The following EPB41 variants were observed in gnomAD, a reference collection of about 807,000 sequenced individuals.
EPB41 encodes the protein erythrocyte membrane protein band 4.1.
Under a neutral mutation model 108.0 loss-of-function variants are expected in EPB41, and 65 were observed. The ratio of observed to expected loss-of-function variants is 0.60; its 90% CI spans 0.49 to 0.74. EPB41 has a LOEUF of 0.74. Among genes scored for constraint, EPB41 ranks in the 30% least tolerant of loss-of-function variants. The probability of loss-of-function intolerance (pLI) is 0.00; values close to 1 mark genes in which losing one functional copy is unlikely to be tolerated. For synonymous variants in EPB41, 336 were observed against 358.9 expected (o/e 0.94, Z 0.72); for missense variants, 875 against 1,037.0 (o/e 0.84, Z 2.15).
intron 11 of EPB41, among the ~76,000 whole-genome samples, chr1:29,042,669 G>A (rs1054344157): frequency 1.3e-5 from 2 of 151,920 alleles, no homozygotes; most frequent in Admixed American, 6.6e-5. Context: ...AGTGGAGATG[G>A]GGTTTCACCA....
rs976648304 is a variant in EPB41 at position 29,006,268 on chromosome 1, G to A, written c.787-5597G>A. On this transcript the variant is annotated intron_variant, in intron 4 of 20. Transcript: ENST00000343067. ...TTTTTTTTTTTTGAGACGGAGTCTC[G>A]CTCTGTCGCCTAGGCTGGAGTGCAG... Among the ~76,000 whole-genome samples the A allele has an allele frequency of 5.3e-5, 7 of 132,808 alleles. No homozygotes were observed. In the Admixed American group the frequency reaches 6.3e-4, roughly 12 times the overall value. 87.1% of individuals were successfully genotyped at this position (132,808 alleles called of 152,430 possible).
At chr1:29,038,680 A>G (rs947347169) in intron 10 of EPB41, among the ~76,000 whole-genome samples, 1 of 152,246 alleles carries the variant, frequency 6.6e-6, no homozygotes, top group African/African-American at 2.4e-5. Flanking sequence ...GGAGACCAGC[A>G]TAGAAATAGA....
rs115165118 is a variant in EPB41 at position 29,034,608 on chromosome 1, T to C, written c.1366-1218T>C. 3.8e-3 allele frequency among the ~76,000 whole-genome samples: 572 copies of C among 152,320 alleles called. 6 individuals carry two copies. The highest frequency in any genetic ancestry group is 0.013 in the African/African-American group (531 of 41,558). On this transcript the variant is annotated intron_variant, in intron 9 of 20. Coordinates refer to ENST00000343067, the MANE Select transcript of EPB41 (RefSeq NM_001376013.1). ...ATAAATGTCAGTTTCCTTTCCATCT[T>C]ATAAAATATGCTTAAAGTAGAAATA...
At chr1:29,105,636 A>G (rs1455203373) in intron 17 of EPB41, among the ~76,000 whole-genome samples, 1 of 152,096 alleles carries the variant, frequency 6.6e-6, no homozygotes, top group Non-Finnish European at 1.5e-5. Flanking sequence ...ATTACATTGA[A>G]TGAATATACC....
intron 1 of EPB41, among the ~76,000 whole-genome samples, chr1:28,916,560 C>G (rs1343139791): frequency 6.6e-6 from 1 of 152,128 alleles, no homozygotes; most frequent in Non-Finnish European, 1.5e-5. Flanking sequence ...TCGCTTGAAC[C>G]TAGGAGGCGG....
At position 28,987,676 on chromosome 1, in the gene EPB41, C is replaced by G; in HGVS notation, c.239C>G (p.Ser80Ter). 6.2e-7 allele frequency: 1 copy of G among 1,614,212 alleles called. No individual in the cohort carries two copies. The highest frequency in any genetic ancestry group is 8.5e-7 in the Non-Finnish European group (1 of 1,180,036). ...CGGACATCAGAAAGCAGAGGACTTT[C>G]ACGACTATTCTCCTCGTTTCTCAAA... ...KERTSESRGL[S>*]RLFSSFLKRP... Residue 80 changes from serine (S) to a stop codon, truncating the protein, a stop_gained, in exon 2 of 21, where the codon TCA becomes TGA. Coordinates refer to ENST00000343067, the MANE Select transcript of EPB41 (RefSeq NM_001376013.1). LOFTEE classifies it high-confidence loss of function.
intron 1 of EPB41, among the ~76,000 whole-genome samples, chr1:28,963,968 G>A (rs538904784): frequency 6.6e-6 from 1 of 152,294 alleles, no homozygotes; most frequent in East Asian, 1.9e-4. Context: ...TCTTTCTTCA[G>A]TACTTCTTGA....
intron 16 of EPB41, among the ~76,000 whole-genome samples, chr1:29,090,973 T>G (rs1660985387): frequency 6.6e-6 from 1 of 152,238 alleles, no homozygotes; most frequent in African/African-American, 2.4e-5. Context: ...GTTATGTTTT[T>G]CTTTTATTTC....
intron 16 of EPB41, among the ~76,000 whole-genome samples, chr1:29,068,098 A>T (rs572465572): frequency 6.6e-6 from 1 of 152,312 alleles, no homozygotes; most frequent in South Asian, 2.1e-4. Flanking sequence ...ACAATTCTGA[A>T]CAAGTAATTT....
At chr1:28,971,180 C>CTTTCT (rs2095486027) in intron 1 of EPB41, among the ~76,000 whole-genome samples, 15 of 66,326 alleles carry the variant, frequency 2.3e-4, no homozygotes, top group African/African-American at 7.9e-4. Context: ...TTCTTTCTTT[C>CTTTCT]TTTTTTTTTT....
chr1:28,893,756 TCATTTGCTTCCATGTGC>T (rs1445970351), intron 1 of EPB41: 2 of 152,498 alleles, frequency 1.3e-5, no homozygotes, highest in African/African-American at 4.8e-5. Flanking sequence ...CTCACTGCTG[TCATTTGCTTCCATGTGC>T]CACTGCGGTG....
At chr1:28,973,228 C>A (rs904983309) in intron 1 of EPB41, among the ~76,000 whole-genome samples, 1 of 152,032 alleles carries the variant, frequency 6.6e-6, no homozygotes, top group Non-Finnish European at 1.5e-5. Flanking sequence ...GCCTATTATC[C>A]TTTACTTTTG....
rs558368713 is a variant in EPB41 at position 28,968,983 on chromosome 1, A to C, written c.-7-18448A>C. 7.0e-3 allele frequency among the ~76,000 whole-genome samples: 959 copies of C among 136,916 alleles called. 5 individuals are homozygous for C. Among genetic ancestry groups the C allele is most frequent in the Non-Finnish European group, 8.8e-3 (564 of 64,096 alleles). 89.8% of individuals were successfully genotyped at this position (136,916 alleles called of 152,430 possible). A position where few individuals can be genotyped will look rare whatever the true frequency, so the allele number is the denominator to read the frequency against. On this transcript the variant is annotated intron_variant, in intron 1 of 20. Coordinates refer to ENST00000343067, the MANE Select transcript of EPB41 (RefSeq NM_001376013.1). Reference sequence around the variant, plus strand: ...CTGCCTCCAAAACCCCCCACCCCCCAAAAAAAAAACACAAACTAAATGAAC... The same window carrying C: ...CTGCCTCCAAAACCCCCCACCCCCCCAAAAAAAAACACAAACTAAATGAAC...
At chr1:28,916,816 G>A (rs182819890) in intron 1 of EPB41, among the ~76,000 whole-genome samples, 1 of 150,802 alleles carries the variant, frequency 6.6e-6, no homozygotes, top group Non-Finnish European at 1.5e-5. Flanking sequence ...TTTTAAACAG[G>A]GTCTCATTCT....
At chr1:29,054,738 T>C (rs979459056) in intron 12 of EPB41, among the ~76,000 whole-genome samples, 1 of 152,046 alleles carries the variant, frequency 6.6e-6, no homozygotes, top group Non-Finnish European at 1.5e-5. Context: ...TAGTCCCAGC[T>C]CCTTGGGGGA....
intron 1 of EPB41, among the ~76,000 whole-genome samples, chr1:28,907,048 G>C (rs2091891844): frequency 6.6e-6 from 1 of 151,200 alleles, no homozygotes. Flanking sequence ...TGGGATTACA[G>C]GCGTGAGCCA....
At chr1:29,079,429 T>A (rs1229345430) in intron 16 of EPB41, among the ~76,000 whole-genome samples, 2 of 151,250 alleles carry the variant, frequency 1.3e-5, no homozygotes, top group Non-Finnish European at 2.9e-5. Context: ...TTTTTTTTTT[T>A]CTTTTTTTGA....
Position 28,887,557 on chromosome 1 carries a change from C to T in EPB41, c.-8+347C>T. ...GCGGGAGAGTCCCTGCAGGTCGGCG[C>T]AGCCCCCGGCCGCCCCCTAGCCCCG... On this transcript the variant is annotated intron_variant, in intron 1 of 16. Coordinates refer to the EPB41 transcript ENST00000347529. This position sits in a 1 kb window ranked among gnomAD's most constrained non-coding sequence, Gnocchi z 4.9. 1 of 985,300 alleles carries T rather than the reference C, an allele frequency of 1.0e-6. No homozygotes were observed. Among genetic ancestry groups the T allele is most frequent in the Non-Finnish European group, 1.2e-6 (1 of 829,856 alleles). 61.0% of individuals were successfully genotyped at this position (985,300 alleles called of 1,614,324 possible).
intron 16 of EPB41, chr1:29,096,179 G>C: frequency 3.0e-6 from 3 of 985,848 alleles, no homozygotes; most frequent in Non-Finnish European, 3.6e-6. Context: ...TCGCACAGAG[G>C]AGGTGGCTGT....
Sources: gnomAD v4.1 joint callset for allele counts (sites outside exome capture counted in the v4.1 genomes callset) on GRCh38, gnomAD v4.1.1 for gene constraint, Gnocchi (gnomAD v3.1) non-coding constraint, MANE v1.5 for transcripts, NCBI Gene and HGNC (gene_info 2026-07-23, HGNC 2026-07-21) for gene names.